Variants in PKHD1 observed in about 807,000 individuals in gnomAD.
The protein encoded by PKHD1 is PKHD1 ciliary IPT domain containing fibrocystin/polyductin.
A neutral mutation model predicts 412.0 loss-of-function variants in PKHD1; 291 were observed. The observed-to-expected ratio is 0.71, with a 90% CI of 0.64 to 0.78. PKHD1 has a LOEUF of 0.78. Among genes scored for constraint, PKHD1 ranks in the 30% least tolerant of loss-of-function variants. The pLI, the probability that PKHD1 is intolerant of heterozygous loss-of-function variation, is 0.00. For synonymous variants in PKHD1, 1,777 were observed against 1,821.5 expected (o/e 0.98, Z 0.62); for missense variants, 4,825 against 4,950.7 (o/e 0.97, Z 0.76).
At chr6:51,944,461 T>C (rs577863735) in intron 36 of PKHD1, among the ~76,000 whole-genome samples, 4 of 152,296 alleles carry the variant, frequency 2.6e-5, no homozygotes, top group African/African-American at 7.2e-5. Context: ...GATTTTTTTT[T>C]AGGCTTTTGT....
chr6:51,738,131 G>A (rs928420744), intron 60 of PKHD1, among the ~76,000 whole-genome samples: 2 of 152,176 alleles, frequency 1.3e-5, no homozygotes, highest in African/African-American at 4.8e-5. Context: ...CAGCACGCGT[G>A]GAGCAGCTAC....
chr6:51,767,285 T>G (rs1220232061), intron 55 of PKHD1, among the ~76,000 whole-genome samples: 1 of 152,114 alleles, frequency 6.6e-6, no homozygotes, highest in Admixed American at 6.6e-5. Context: ...TTAGTTACAT[T>G]TGATTTATCA....
chr6:51,937,445 CT>C (rs1433632667), intron 36 of PKHD1, among the ~76,000 whole-genome samples: 1 of 152,170 alleles, frequency 6.6e-6, no homozygotes, highest in East Asian at 1.9e-4. Context: ...GAGTTTGACT[CT>C]TTTCATTTAA....
At chr6:52,019,020 G>A (rs555133132) in intron 33 of PKHD1, among the ~76,000 whole-genome samples, 1 of 152,178 alleles carries the variant, frequency 6.6e-6, no homozygotes, top group South Asian at 2.1e-4. Context: ...TGACTCTCAG[G>A]CCATTTTTTT....
intron 37 of PKHD1, among the ~76,000 whole-genome samples, chr6:51,928,514 G>A (rs1786050566): frequency 1.3e-5 from 2 of 151,888 alleles, no homozygotes; most frequent in African/African-American, 4.8e-5. Context: ...ATATTTTGTG[G>A]TGATAAATGC....
chr6:51,897,935 A>G (rs1419003857), intron 43 of PKHD1, among the ~76,000 whole-genome samples: 1 of 152,202 alleles, frequency 6.6e-6, no homozygotes, highest in Non-Finnish European at 1.5e-5. Flanking sequence ...ACATAATGGT[A>G]AACGGATCAA....
intron 35 of PKHD1, among the ~76,000 whole-genome samples, chr6:51,970,583 G>A (rs1201043895): frequency 4.6e-5 from 7 of 152,196 alleles, no homozygotes; most frequent in Admixed American, 2.6e-4. Flanking sequence ...TATACTGTCG[G>A]GTGTTACATT....
At chr6:51,904,352 A>C (rs540874947) in intron 41 of PKHD1, among the ~76,000 whole-genome samples, 1 of 152,298 alleles carries the variant, frequency 6.6e-6, no homozygotes, top group South Asian at 2.1e-4. Flanking sequence ...CTAGCTGTTC[A>C]AACTGGCCAC....
At chr6:51,712,198 TAAATAGGCCCC>T (rs1780741639) in intron 60 of PKHD1, among the ~76,000 whole-genome samples, 1 of 152,172 alleles carries the variant, frequency 6.6e-6, no homozygotes, top group Non-Finnish European at 1.5e-5. Context: ...TCTTGAAGTA[TAAATAGGCCCC>T]AAATTTCAAA....
At chr6:51,624,863 C>G (rs1767046723) in intron 66 of PKHD1, among the ~76,000 whole-genome samples, 1 of 152,270 alleles carries the variant, frequency 6.6e-6, no homozygotes, top group South Asian at 2.1e-4. Flanking sequence ...AGATTTAAAC[C>G]CAGTCTGTTG....
intron 46 of PKHD1, among the ~76,000 whole-genome samples, chr6:51,873,559 A>G (rs5019541): frequency 0.96 from 146,464 of 152,274 alleles, 70,457 homozygotes; most frequent in East Asian, 0.99. Context: ...CTATTCCCCT[A>G]TGATTTGTGC....
intron 60 of PKHD1, among the ~76,000 whole-genome samples, chr6:51,743,664 T>C (rs1235700007): frequency 1.3e-5 from 2 of 152,112 alleles, no homozygotes; most frequent in Admixed American, 1.3e-4. Context: ...TTCAAAAATT[T>C]AAAAGGACAA....
chr6:51,637,889 G>A (rs769511331), intron 64 of PKHD1, among the ~76,000 whole-genome samples: 67 of 152,122 alleles, frequency 4.4e-4, no homozygotes, highest in Non-Finnish European at 8.1e-4. Flanking sequence ...GGGTGACAGA[G>A]TGAGATTCCA....
At chr6:51,803,713 AT>A (rs111250611) in intron 52 of PKHD1, among the ~76,000 whole-genome samples, 11 of 150,476 alleles carry the variant, frequency 7.3e-5, no homozygotes, top group East Asian at 5.8e-4. Flanking sequence ...TAGAGAAGAA[AT>A]TTTTTTTTTG....
chr6:51,813,847 T>C (rs750257056), intron 52 of PKHD1, among the ~76,000 whole-genome samples: 4 of 152,306 alleles, frequency 2.6e-5, no homozygotes, highest in South Asian at 4.1e-4. Flanking sequence ...TAAAATACTA[T>C]ATTTTCTAAG....
intron 43 of PKHD1, among the ~76,000 whole-genome samples, chr6:51,901,990 G>T (rs1184027021): frequency 2.0e-5 from 3 of 152,110 alleles, no homozygotes; most frequent in African/African-American, 7.2e-5. Flanking sequence ...TTACCCTCTG[G>T]TTCTCTGCAC....
chr6:51,880,915 A>G (rs560197107), intron 46 of PKHD1, among the ~76,000 whole-genome samples: 24 of 149,032 alleles, frequency 1.6e-4, no homozygotes, highest in East Asian at 7.9e-4. Flanking sequence ...GCAGTGAGCC[A>G]AGATCGCGCC....
intron 45 of PKHD1, among the ~76,000 whole-genome samples, chr6:51,884,221 C>T (rs1777845571): frequency 6.6e-6 from 1 of 152,102 alleles, no homozygotes; most frequent in East Asian, 1.9e-4. Flanking sequence ...TAGGATACAA[C>T]TTAATTCTTT....
intron 61 of PKHD1, among the ~76,000 whole-genome samples, chr6:51,652,420 TG>T (rs1771122880): frequency 6.6e-6 from 1 of 152,014 alleles, no homozygotes; most frequent in South Asian, 2.1e-4. Context: ...CCTACTGTGG[TG>T]GGGTGAGGTG....
Sources: allele counts gnomAD v4.1 joint callset (sites outside exome capture counted in the v4.1 genomes callset), GRCh38; gene constraint gnomAD v4.1.1; transcripts MANE v1.5; gene names NCBI Gene and HGNC (gene_info 2026-07-23, HGNC 2026-07-21).